Variants in SIPA1L3 observed in about 807,000 individuals in gnomAD.
SIPA1L3 encodes the protein signal induced proliferation associated 1 like 3, also known as signal-induced proliferation-associated 1-like protein 3.
SIPA1L3 carries 59 observed loss-of-function variants against 150.1 expected under a neutral mutation model. The observed-to-expected ratio is 0.39, with a 90% CI of 0.32 to 0.49. The LOEUF (loss-of-function observed/expected upper bound fraction) is 0.49, where lower values mean the gene tolerates loss of function less well. SIPA1L3 is among the 20% of genes least tolerant of loss of function. SIPA1L3 has a pLI of 0.86. For synonymous variants in SIPA1L3, 1,070 were observed against 1,077.6 expected (o/e 0.99, Z 0.14); for missense variants, 2,211 against 2,489.5 (o/e 0.89, Z 2.38).
chr19:38,013,008 C>T (rs1336538781), intron 1 of SIPA1L3, among the ~76,000 whole-genome samples: 1 of 152,154 alleles, frequency 6.6e-6, no homozygotes, highest in African/African-American at 2.4e-5. Flanking sequence ...TGCAGGCCTC[C>T]TTTACCCTTT....
chr19:37,921,375 C>G (rs2046456287), intron 1 of SIPA1L3, among the ~76,000 whole-genome samples: 1 of 152,112 alleles, frequency 6.6e-6, no homozygotes, highest in Non-Finnish European at 1.5e-5. Context: ...GGTGTGCTGC[C>G]TGGTGGGTAG....
intron 1 of SIPA1L3, among the ~76,000 whole-genome samples, chr19:37,943,034 CTTTTTTTT>C (rs1236781453): frequency 4.4e-5 from 1 of 22,614 alleles, no homozygotes; most frequent in African/African-American, 2.2e-4. Context: ...CTCTCTCTCT[CTTTTTTTT>C]TTTTTTTTTT....
At position 38,182,534 on chromosome 19, in the gene SIPA1L3, G is replaced by A. The variant is rs1296046184; in HGVS notation, c.4224G>A (p.Arg1408=). The A allele has an allele frequency of 6.2e-7, 1 of 1,609,232 alleles. No homozygotes were observed. Among genetic ancestry groups the A allele is most frequent in the African/African-American group, 1.3e-5 (1 of 74,748 alleles). Residue 1408 remains arginine (R), a synonymous_variant, in exon 16 of 22, where the codon AGG becomes AGA. Transcript: ENST00000222345. ...PPRQPSDMGS[R]VGYPAQVYKT... Reference sequence around the variant, plus strand: ...TGCTTTGCAGTGACATGGGCTCGAGGGTTGGCTACCCCGCTCAGGTTTACA... The same window carrying A: ...TGCTTTGCAGTGACATGGGCTCGAGAGTTGGCTACCCCGCTCAGGTTTACA...
At chr19:37,948,698 G>A (rs1162568657) in intron 1 of SIPA1L3, among the ~76,000 whole-genome samples, 2 of 152,120 alleles carry the variant, frequency 1.3e-5, no homozygotes, top group Admixed American at 6.5e-5. Context: ...CGCTCTTGGA[G>A]CTGACATTCT....
intron 2 of SIPA1L3, among the ~76,000 whole-genome samples, chr19:38,068,903 A>G (rs1164626144): frequency 6.6e-6 from 1 of 152,206 alleles, no homozygotes; most frequent in Non-Finnish European, 1.5e-5. Context: ...CCCCTACTTG[A>G]TACAGTTGTT....
chr19:38,182,481 A>G, intron 15 of SIPA1L3, 38 bp from the exon 16 acceptor site: 1 of 1,475,146 alleles, frequency 6.8e-7, no homozygotes, highest in Non-Finnish European at 9.3e-7. Flanking sequence ...TGTGGAATGG[A>G]TTTGGTTTTT....
intron 1 of SIPA1L3, among the ~76,000 whole-genome samples, chr19:38,025,214 A>G (rs930880894): frequency 6.6e-6 from 1 of 152,218 alleles, no homozygotes; most frequent in Non-Finnish European, 1.5e-5. Context: ...CATTCAGGCC[A>G]GGACGCCTTT....
intron 2 of SIPA1L3, among the ~76,000 whole-genome samples, chr19:38,051,610 T>A (rs1358345102): frequency 6.6e-6 from 1 of 152,158 alleles, no homozygotes; most frequent in Non-Finnish European, 1.5e-5. Flanking sequence ...TTTTTGTTTG[T>A]TTGTTTGAGA....
chr19:38,204,074 C>T (rs1973150207), intron 20 of SIPA1L3, 53 bp from the exon 21 acceptor site: 2 of 1,452,398 alleles, frequency 1.4e-6, no homozygotes, highest in Non-Finnish European at 1.9e-6. Flanking sequence ...GGGCCAGAAG[C>T]CTTCCCCAGG....
At chr19:38,182,979 G>T in intron 16 of SIPA1L3, 1 of 487,968 alleles carries the variant, frequency 2.0e-6, no homozygotes, top group Non-Finnish European at 3.6e-6. Flanking sequence ...TAGGTCAATG[G>T]TGGTTATCCT....
intron 1 of SIPA1L3, among the ~76,000 whole-genome samples, chr19:37,949,558 C>T (rs1366654325): frequency 1.3e-5 from 2 of 151,820 alleles, no homozygotes; most frequent in African/African-American, 2.4e-5. Flanking sequence ...CCAGCTATTC[C>T]GGAGATTGAG....
intron 1 of SIPA1L3, among the ~76,000 whole-genome samples, chr19:37,932,021 C>T (rs188834000): frequency 3.9e-5 from 6 of 152,380 alleles, no homozygotes; most frequent in African/African-American, 1.2e-4. Flanking sequence ...TTATTATTAG[C>T]CAGCCAAAGC....
At chr19:37,910,857 A>G (rs767991594) in intron 1 of SIPA1L3, among the ~76,000 whole-genome samples, 1 of 152,122 alleles carries the variant, frequency 6.6e-6, no homozygotes, top group Non-Finnish European at 1.5e-5. Context: ...TGGCCTCCCA[A>G]AGTGTTGAGA....
intron 4 of SIPA1L3, 67 bp downstream of exon 4, chr19:38,088,918 G>T: frequency 1.3e-6 from 2 of 1,567,342 alleles, no homozygotes; most frequent in Non-Finnish European, 1.7e-6. Flanking sequence ...CCAGGTTCTG[G>T]GGGCAAACGC....
intron 1 of SIPA1L3, among the ~76,000 whole-genome samples, chr19:37,973,483 C>T (rs1966990503): frequency 1.3e-5 from 2 of 148,410 alleles, no homozygotes; most frequent in South Asian, 2.2e-4. Flanking sequence ...GATCCACCCA[C>T]CTCGGTCTCC....
intron 12 of SIPA1L3, among the ~76,000 whole-genome samples, chr19:38,151,178 A>G (rs150727900): frequency 1.2e-3 from 177 of 152,308 alleles, no homozygotes; most frequent in African/African-American, 4.2e-3. Context: ...TTTTCTTGTC[A>G]TCCCTCTTAG....
chr19:38,043,515 C>G (rs1175582452), intron 2 of SIPA1L3, among the ~76,000 whole-genome samples: 1 of 152,116 alleles, frequency 6.6e-6, no homozygotes, highest in East Asian at 1.9e-4. Context: ...TCAGAACCTT[C>G]TAGGGTTGCC....
chr19:37,968,020 C>T lies in SIPA1L3; in HGVS notation c.-379+60662C>T, dbSNP rs117890699. ...CTCAGTTCCTGTCACATAGTAAGTG[C>T]TCAGTAAATGTTAGTTTCATTAATG... On this transcript the variant is annotated intron_variant, in intron 1 of 21. Transcript: ENST00000222345. 7.6e-3 allele frequency among the ~76,000 whole-genome samples: 1,077 copies of T among 142,116 alleles called. 35 individuals carry two copies. In the East Asian group the frequency reaches 0.08, roughly 11 times the overall value. 93.2% of individuals were successfully genotyped at this position (142,116 alleles called of 152,430 possible). A position where few individuals can be genotyped will look rare whatever the true frequency, so the allele number is the denominator to read the frequency against.
chr19:37,908,738 T>C (rs2046356033), intron 1 of SIPA1L3, among the ~76,000 whole-genome samples: 1 of 152,184 alleles, frequency 6.6e-6, no homozygotes, highest in Admixed American at 6.5e-5. Flanking sequence ...GATTAAATTA[T>C]GGAACACACT....
Sources: allele counts gnomAD v4.1 joint callset (sites outside exome capture counted in the v4.1 genomes callset), GRCh38; gene constraint gnomAD v4.1.1; transcripts MANE v1.5; gene names NCBI Gene and HGNC (gene_info 2026-07-23, HGNC 2026-07-21).